The following LRRC4C variants were observed in gnomAD, a reference collection of about 807,000 sequenced individuals.
LRRC4C encodes the protein leucine rich repeat containing 4C, also known as leucine-rich repeat-containing protein 4C.
Under a neutral mutation model 33.6 loss-of-function variants are expected in LRRC4C, and 5 were observed. That is an observed-to-expected ratio of 0.15 (90% confidence interval 0.08 to 0.31). The LOEUF (loss-of-function observed/expected upper bound fraction) is 0.31. Ranked by LOEUF, LRRC4C falls within the 10% of genes least tolerant of loss-of-function variation. The pLI is 1.00. For synonymous variants in LRRC4C, 329 were observed against 302.0 expected, an observed-to-expected ratio of 1.09 and a Z score of -0.93; for missense variants, 560 against 796.7, an observed-to-expected ratio of 0.70 and a Z score of 3.58.
At chr11:40,210,263 C>A (rs1224176594) in intron 5 of LRRC4C, among the ~76,000 whole-genome samples, 1 of 147,924 alleles carries the variant, frequency 6.8e-6, no homozygotes, top group African/African-American at 2.6e-5. Context: ...AAAAAAAAAA[C>A]AAAAAACAAA....
At chr11:40,618,032 A>C (rs569414159) in intron 3 of LRRC4C, among the ~76,000 whole-genome samples, 12 of 151,630 alleles carry the variant, frequency 7.9e-5, no homozygotes, top group Non-Finnish European at 1.6e-4. Context: ...AAAACCTGTG[A>C]TTTCCCTTCT....
At chr11:41,279,410 A>ACT (rs1949589620) in intron 1 of LRRC4C, among the ~76,000 whole-genome samples, 1 of 147,920 alleles carries the variant, frequency 6.8e-6, no homozygotes, top group Admixed American at 7.1e-5. Flanking sequence ...ACACACACAC[A>ACT]CACACACACA....
chr11:40,268,663 C>T (rs1477672763), intron 4 of LRRC4C, among the ~76,000 whole-genome samples: 2 of 151,728 alleles, frequency 1.3e-5, no homozygotes, highest in African/African-American at 4.8e-5. Context: ...AAAAAAAAAT[C>T]AGCAAAAAAA....
At chr11:40,266,363 T>G (rs2136300007) in intron 4 of LRRC4C, among the ~76,000 whole-genome samples, 1 of 152,114 alleles carries the variant, frequency 6.6e-6, no homozygotes. Context: ...GCTTATGTCT[T>G]TAATCCAGCA....
At chr11:40,748,104 T>C (rs917411064) in intron 2 of LRRC4C, among the ~76,000 whole-genome samples, 3 of 152,096 alleles carry the variant, frequency 2.0e-5, no homozygotes, top group African/African-American at 7.2e-5. Context: ...TACCATATAA[T>C]ATAGTCAAAC....
At chr11:40,546,522 T>C (rs1462811566) in intron 3 of LRRC4C, among the ~76,000 whole-genome samples, 1 of 152,130 alleles carries the variant, frequency 6.6e-6, no homozygotes, top group East Asian at 1.9e-4. Flanking sequence ...GGATGTTGGA[T>C]TTTATCATTA....
intron 4 of LRRC4C, among the ~76,000 whole-genome samples, chr11:40,273,252 A>T (rs1011433115): frequency 1.1e-4 from 16 of 152,066 alleles, no homozygotes; most frequent in African/African-American, 3.1e-4. Flanking sequence ...ACAAACATAT[A>T]ATTAGTAGGT....
At position 41,409,615 on chromosome 11, in the gene LRRC4C, C is replaced by G. The variant is rs927329509; in HGVS notation, c.-496+49816G>C. ...CAACAGGTCTATCTAATTTCAGGGT[C>G]TACATTTTAACCACTGGGCTTTAAT... On this transcript the variant is annotated intron_variant, in intron 1 of 6. Transcript: ENST00000528697. Among the ~76,000 whole-genome samples the G allele has an allele frequency of 3.9e-5, 6 of 152,062 alleles. No homozygotes were observed. The East Asian group carries it at 1.2e-3, about 29-fold the overall frequency.
At chr11:40,688,931 T>G (rs1945095663) in intron 2 of LRRC4C, among the ~76,000 whole-genome samples, 1 of 152,046 alleles carries the variant, frequency 6.6e-6, no homozygotes, top group Non-Finnish European at 1.5e-5. Context: ...TTCACCGAGG[T>G]GTAAATAAGA....
intron 1 of LRRC4C, among the ~76,000 whole-genome samples, chr11:41,288,990 A>C (rs1365600911): frequency 1.3e-5 from 2 of 152,088 alleles, no homozygotes; most frequent in African/African-American, 4.8e-5. Context: ...GAGTAACTCA[A>C]AATCAATTGA....
chr11:40,291,389 CACT>C (rs1205876736), intron 4 of LRRC4C, among the ~76,000 whole-genome samples: 1 of 152,210 alleles, frequency 6.6e-6, no homozygotes, highest in Non-Finnish European at 1.5e-5. Context: ...TACCACAGGA[CACT>C]AGATTTCTTT....
chr11:41,387,696 G>T (rs1427395602), intron 1 of LRRC4C, among the ~76,000 whole-genome samples: 1 of 151,556 alleles, frequency 6.6e-6, no homozygotes, highest in African/African-American at 2.4e-5. Context: ...AAATGTTATG[G>T]GTGACCCTGG....
chr11:40,791,783 G>A (rs1950631143), intron 2 of LRRC4C, among the ~76,000 whole-genome samples: 1 of 152,080 alleles, frequency 6.6e-6, no homozygotes, highest in Admixed American at 6.6e-5. Flanking sequence ...CTTCCTTCTG[G>A]ACAGAGAATG....
chr11:41,440,083 C>CTTGT lies in LRRC4C; in HGVS notation c.-496+19344_-496+19347dup, dbSNP rs1215642230. ...GCCTAGGCCAATGTCCAGAAGAGTT[C>CTTGT]TTGTTTGTTTGTTTGTTTGTTTTCA... is the stretch of plus-strand genomic sequence containing the variant. On this transcript the variant is annotated intron_variant, in intron 1 of 6. Coordinates refer to ENST00000528697, the MANE Select transcript of LRRC4C (RefSeq NM_001258419.2). Among the ~76,000 whole-genome samples, 12 of 151,798 alleles carry CTTGT rather than the reference C, an allele frequency of 7.9e-5. No homozygotes were observed. In the South Asian group the frequency reaches 1.0e-3, roughly 13 times the overall value.
chr11:41,346,365 A>C (rs1951804314), intron 1 of LRRC4C, among the ~76,000 whole-genome samples: 1 of 152,118 alleles, frequency 6.6e-6, no homozygotes, highest in Admixed American at 6.5e-5. Context: ...GCAATAAATA[A>C]ACAAACATAA....
chr11:41,134,333 G>A (rs1002162677), intron 1 of LRRC4C, among the ~76,000 whole-genome samples: 4 of 152,094 alleles, frequency 2.6e-5, no homozygotes, highest in Admixed American at 6.5e-5. Context: ...CAAACTGCTA[G>A]CCTCAAGCAA....
intron 3 of LRRC4C, among the ~76,000 whole-genome samples, chr11:40,404,190 G>A (rs1216074721): frequency 6.6e-6 from 1 of 152,076 alleles, no homozygotes; most frequent in Non-Finnish European, 1.5e-5. Flanking sequence ...CTTTGGCCAA[G>A]GTGCCCTTGT....
chr11:40,660,757 G>C (rs1279477519), intron 2 of LRRC4C, among the ~76,000 whole-genome samples: 2 of 152,088 alleles, frequency 1.3e-5, no homozygotes, highest in Non-Finnish European at 2.9e-5. Flanking sequence ...TTTTCAATTT[G>C]ATAGTTTTGT....
intron 3 of LRRC4C, among the ~76,000 whole-genome samples, chr11:40,483,519 G>A (rs538841037): frequency 6.6e-6 from 1 of 152,108 alleles, no homozygotes. Context: ...GTGAAAAAGA[G>A]CACATATCAG....
Sources: allele counts gnomAD v4.1 joint callset (sites outside exome capture counted in the v4.1 genomes callset), GRCh38; gene constraint gnomAD v4.1.1; transcripts MANE v1.5; gene names NCBI Gene and HGNC (gene_info 2026-07-23, HGNC 2026-07-21).